EGFR: variants seen among roughly 807,000 people sequenced by gnomAD.
The protein encoded by EGFR is epidermal growth factor receptor.
A neutral mutation model predicts 143.0 loss-of-function variants in EGFR; 58 were observed. That is an observed-to-expected ratio of 0.41 (90% CI 0.33 to 0.50). The LOEUF is 0.50. Ranked by LOEUF, EGFR falls within the 20% of genes least tolerant of loss-of-function variation. The pLI is 0.39. For synonymous variants in EGFR, 613 were observed against 594.4 expected, an observed-to-expected ratio of 1.03 and a Z score of -0.45; for missense variants, 1,307 against 1,579.0, an observed-to-expected ratio of 0.83 and a Z score of 2.92.
At chr7:55,122,409 G>T (rs184977935) in intron 1 of EGFR, among the ~76,000 whole-genome samples, 13 of 152,304 alleles carry the variant, frequency 8.5e-5, no homozygotes, top group Admixed American at 5.9e-4. Context: ...TCCTCAATGG[G>T]CTGCTGGTGG....
chr7:55,177,959 C>T (rs1438532749), intron 19 of EGFR, among the ~76,000 whole-genome samples: 2 of 152,228 alleles, frequency 1.3e-5, no homozygotes, highest in African/African-American at 4.8e-5. Flanking sequence ...CCCATTGTGC[C>T]TGCTGGGTGG....
intron 22 of EGFR, among the ~76,000 whole-genome samples, chr7:55,195,884 G>C (rs1787592259): frequency 6.6e-6 from 1 of 152,170 alleles, no homozygotes; most frequent in Non-Finnish European, 1.5e-5. Context: ...GTGTTCCATG[G>C]TGTATATGTA....
At position 55,168,489 on chromosome 7, in the gene EGFR, G is replaced by T. The variant is rs1313143193; in HGVS notation, c.1881-2686G>T. ...AAGATTTAAATTAAAAATGTTAGTG[G>T]TCATTTTTCTAATGTCTTTCTATTT... On this transcript the variant is annotated intron_variant, in intron 15 of 27. Transcript: ENST00000275493. The T allele has an allele frequency of 1.2e-5, 14 of 1,196,796 alleles. No homozygotes were observed. In the South Asian group the frequency reaches 1.6e-4, roughly 13 times the overall value. The allele number at this position is 1,196,796 out of a possible 1,614,324, so 74.1% of individuals were successfully genotyped here.
chr7:55,047,866 C>T (rs1788270745), intron 1 of EGFR, among the ~76,000 whole-genome samples: 1 of 152,144 alleles, frequency 6.6e-6, no homozygotes, highest in Non-Finnish European at 1.5e-5. Flanking sequence ...AAATTTCCAA[C>T]ATGTTCGTAA....
chr7:55,177,964 G>A (rs1026274991), intron 19 of EGFR, among the ~76,000 whole-genome samples: 5 of 152,256 alleles, frequency 3.3e-5, no homozygotes, highest in African/African-American at 9.6e-5. Context: ...TGTGCCTGCT[G>A]GGTGGGGAGG....
At chr7:55,078,272 G>A (rs1285650537) in intron 1 of EGFR, among the ~76,000 whole-genome samples, 1 of 151,744 alleles carries the variant, frequency 6.6e-6, no homozygotes, top group African/African-American at 2.4e-5. Context: ...CCCGCGTCCC[G>A]CGTCCTCACT....
At chr7:55,150,175 A>G (rs1056528877) in intron 4 of EGFR, among the ~76,000 whole-genome samples, 4 of 152,270 alleles carry the variant, frequency 2.6e-5, no homozygotes, top group Admixed American at 2.6e-4. Flanking sequence ...TTACAAGCTT[A>G]TAATAGAAAT....
At chr7:55,066,186 G>C (rs1471417154) in intron 1 of EGFR, among the ~76,000 whole-genome samples, 1 of 152,090 alleles carries the variant, frequency 6.6e-6, no homozygotes, top group Non-Finnish European at 1.5e-5. Flanking sequence ...GTCAGCAGGG[G>C]GTGTTCTGGC....
At chr7:55,178,070 TC>T (rs774985280) in intron 19 of EGFR, among the ~76,000 whole-genome samples, 6 of 152,114 alleles carry the variant, frequency 3.9e-5, no homozygotes, top group Non-Finnish European at 8.8e-5. Context: ...CCCGCTCTGC[TC>T]CCCATTCCCA....
At chr7:55,143,618 G>A in intron 3 of EGFR, 130 bp downstream of exon 3, 8 of 993,346 alleles carry the variant, frequency 8.1e-6, no homozygotes, top group Non-Finnish European at 1.2e-5. Flanking sequence ...CGTGCACTGA[G>A]TGCCGGCTGT....
chr7:55,150,825 A>G (rs1188776467), intron 4 of EGFR, among the ~76,000 whole-genome samples: 1 of 152,154 alleles, frequency 6.6e-6, no homozygotes, highest in Non-Finnish European at 1.5e-5. Context: ...TCTGGTTTGG[A>G]GTCTAGAAGG....
intron 1 of EGFR, among the ~76,000 whole-genome samples, chr7:55,058,637 T>G (rs918067524): frequency 6.6e-6 from 1 of 152,144 alleles, no homozygotes; most frequent in Non-Finnish European, 1.5e-5. Context: ...TTATCACTTA[T>G]AAGTGGGAGG....
At chr7:55,085,776 A>G (rs1790717067) in intron 1 of EGFR, among the ~76,000 whole-genome samples, 1 of 152,170 alleles carries the variant, frequency 6.6e-6, no homozygotes, top group Admixed American at 6.5e-5. Flanking sequence ...GGCACTAGGT[A>G]TTTTACACAT....
Position 55,173,237 on chromosome 7 carries a change from T to C in EGFR, c.2061+113T>C. ...GTATGTTAGATACATAATTGTATTA[T>C]GATGCAGAAAGAATCTCTGAATGTG... On this transcript the variant is annotated intron_variant, in intron 17 of 27. Transcript: ENST00000275493. 4 of 1,455,536 alleles carry C rather than the reference T, an allele frequency of 2.7e-6. No homozygotes were observed. In the East Asian group the frequency reaches 9.4e-5, roughly 34 times the overall value. 90.2% of individuals were successfully genotyped at this position (1,455,536 alleles called of 1,614,324 possible). A position where few individuals can be genotyped will look rare whatever the true frequency, so the allele number is the denominator to read the frequency against.
chr7:55,119,344 T>C (rs940716964), intron 1 of EGFR: 1 of 152,186 alleles, frequency 6.6e-6, no homozygotes, highest in African/African-American at 2.4e-5. Flanking sequence ...AGCCATGACA[T>C]AGAGCCTGAA....
At chr7:55,200,094 G>A (rs1341069140) in intron 23 of EGFR, among the ~76,000 whole-genome samples, 2 of 152,118 alleles carry the variant, frequency 1.3e-5, no homozygotes, top group Non-Finnish European at 2.9e-5. Context: ...AAAACTAGAG[G>A]GCATTATTGT....
At chr7:55,157,567 A>G (rs770923474) in intron 10 of EGFR, 96 bp from the exon 11 acceptor site, 10 of 1,001,018 alleles carry the variant, frequency 1.0e-5, no homozygotes, top group Non-Finnish European at 1.6e-5. Context: ...CTTACTGTTC[A>G]TATAATACAG....
At chr7:55,130,801 C>G (rs971187040) in intron 1 of EGFR, among the ~76,000 whole-genome samples, 1 of 152,226 alleles carries the variant, frequency 6.6e-6, no homozygotes, top group African/African-American at 2.4e-5. Flanking sequence ...GTATGTGCCC[C>G]GCACAGGATC....
At chr7:55,179,548 G>T (rs1480645345) in intron 19 of EGFR, among the ~76,000 whole-genome samples, 5 of 152,210 alleles carry the variant, frequency 3.3e-5, no homozygotes, top group African/African-American at 9.6e-5. Flanking sequence ...GAGAAGGTGG[G>T]CAGGAGGACC....
Sources: gnomAD v4.1 joint callset for allele counts (sites outside exome capture counted in the v4.1 genomes callset) on GRCh38, gnomAD v4.1.1 for gene constraint, MANE v1.5 for transcripts, NCBI Gene and HGNC (gene_info 2026-07-23, HGNC 2026-07-21) for gene names.